The following ECT2L variants were observed in gnomAD, a reference collection of about 807,000 sequenced individuals.
ECT2L encodes epithelial cell-transforming sequence 2 oncogene-like.
A neutral mutation model predicts 122.8 loss-of-function variants in ECT2L; 126 were observed. That is an observed-to-expected ratio of 1.03 (90% CI 0.89 to 1.19). The LOEUF (loss-of-function observed/expected upper bound fraction) is 1.19. Ranked by LOEUF, ECT2L falls within the 50% of genes most tolerant of loss-of-function variation. ECT2L has a pLI of 0.00. For synonymous variants in ECT2L, 385 were observed against 381.8 expected (o/e 1.01, Z -0.10); for missense variants, 1,012 against 1,064.1 (o/e 0.95, Z 0.68).
intron 20 of ECT2L, among the ~76,000 whole-genome samples, chr6:138,890,690 A>C (rs373409773): frequency 6.6e-6 from 1 of 151,910 alleles, no homozygotes; most frequent in African/African-American, 2.4e-5. Context: ...CTTTCTTTAC[A>C]TAAGTTTGAT....
chr6:138,848,687 C>T (rs1026679416), intron 8 of ECT2L, among the ~76,000 whole-genome samples: 1 of 152,142 alleles, frequency 6.6e-6, no homozygotes, highest in Admixed American at 6.6e-5. Context: ...CCATGTGGGC[C>T]ATAGCTTCCA....
intron 20 of ECT2L, among the ~76,000 whole-genome samples, chr6:138,900,567 A>T (rs1413466137): frequency 6.6e-6 from 1 of 152,234 alleles, no homozygotes; most frequent in Non-Finnish European, 1.5e-5. Context: ...AAGGTGAAAC[A>T]AAACAAAGAC....
chr6:138,885,981 C>T (rs937473640), intron 18 of ECT2L, 151 bp downstream of exon 18: 6 of 728,736 alleles, frequency 8.2e-6, no homozygotes, highest in South Asian at 2.4e-5. Flanking sequence ...TAGTGTGTTC[C>T]GTGATTTCCA....
At chr6:138,847,093 C>A (rs1777248656) in intron 8 of ECT2L, among the ~76,000 whole-genome samples, 1 of 150,056 alleles carries the variant, frequency 6.7e-6, no homozygotes, top group Non-Finnish European at 1.5e-5. Context: ...CATGACGAAA[C>A]CCCATCTCTA....
intron 4 of ECT2L, among the ~76,000 whole-genome samples, chr6:138,826,450 G>A (rs1005334654): frequency 5.3e-5 from 8 of 152,100 alleles, no homozygotes; most frequent in Non-Finnish European, 1.0e-4. Flanking sequence ...CGCTTTGGGA[G>A]GCCGAGGCGG....
intron 16 of ECT2L, among the ~76,000 whole-genome samples, chr6:138,884,843 T>C (rs935783026): frequency 2.0e-5 from 3 of 152,036 alleles, no homozygotes; most frequent in South Asian, 2.1e-4. Context: ...TTAGAGATGA[T>C]ATCCATGTTA....
At chr6:138,802,057 C>T (rs1775563606) in intron 1 of ECT2L, among the ~76,000 whole-genome samples, 1 of 152,194 alleles carries the variant, frequency 6.6e-6, no homozygotes, top group African/African-American at 2.4e-5. Flanking sequence ...TCTTGCCTGC[C>T]CGCTCTTGCT....
intron 12 of ECT2L, 39 bp downstream of exon 12, chr6:138,865,217 A>T: frequency 6.4e-7 from 1 of 1,554,510 alleles, no homozygotes; most frequent in Non-Finnish European, 8.7e-7. Flanking sequence ...GTTAATTATG[A>T]AGTTGCTTTC....
rs544627230 is a variant in ECT2L, at chr6:138,854,193, C to T, written c.1198+39C>T. On this transcript the variant is annotated intron_variant, in intron 10 of 21. Coordinates refer to ENST00000541398, the MANE Select transcript of ECT2L (RefSeq NM_001077706.3). ...ACCTTATAGAGAGACAGTGGCCATG[C>T]CACTTCATGGGGATATGTTGTGAAT... 14 of 1,567,314 alleles carry T rather than the reference C, an allele frequency of 8.9e-6. No homozygotes were observed. In the South Asian group the frequency reaches 1.4e-4, roughly 16 times the overall value.
At chr6:138,811,939 T>G (rs954413772) in intron 1 of ECT2L, among the ~76,000 whole-genome samples, 1 of 152,130 alleles carries the variant, frequency 6.6e-6, no homozygotes, top group Non-Finnish European at 1.5e-5. Context: ...TCCACCCACC[T>G]CAGCCTCCCA....
chr6:138,888,157 T>C (rs1778890376), intron 19 of ECT2L, among the ~76,000 whole-genome samples: 1 of 152,092 alleles, frequency 6.6e-6, no homozygotes, highest in African/African-American at 2.4e-5. Flanking sequence ...GGAAAGATAA[T>C]TGAGGTTGAT....
intron 4 of ECT2L, among the ~76,000 whole-genome samples, chr6:138,816,576 C>T (rs756137307): frequency 3.3e-5 from 5 of 152,192 alleles, no homozygotes; most frequent in East Asian, 3.9e-4. Context: ...GCTCTGCCCC[C>T]GGGGTTCATG....
chr6:138,851,156 A>G (rs907888917), intron 9 of ECT2L, among the ~76,000 whole-genome samples: 2 of 151,424 alleles, frequency 1.3e-5, no homozygotes, highest in Non-Finnish European at 2.9e-5. Context: ...GCCAACACTT[A>G]TTTTCTGTGT....
intron 9 of ECT2L, among the ~76,000 whole-genome samples, chr6:138,853,513 G>A (rs575703381): frequency 1.4e-4 from 22 of 152,194 alleles, no homozygotes; most frequent in African/African-American, 4.1e-4. Flanking sequence ...CTGGGGATGC[G>A]GAGTTTCCAG....
At chr6:138,844,982 G>A (rs1777172110) in intron 7 of ECT2L, among the ~76,000 whole-genome samples, 1 of 151,824 alleles carries the variant, frequency 6.6e-6, no homozygotes, top group Non-Finnish European at 1.5e-5. Flanking sequence ...TATATTTTCT[G>A]TATTAAGTTA....
At chr6:138,893,876 T>C (rs893030430) in intron 20 of ECT2L, among the ~76,000 whole-genome samples, 3 of 152,200 alleles carry the variant, frequency 2.0e-5, no homozygotes, top group Non-Finnish European at 4.4e-5. Flanking sequence ...CAAGCATCCC[T>C]ACTCCATGCA....
intron 1 of ECT2L, among the ~76,000 whole-genome samples, chr6:138,811,825 A>G (rs751063221): frequency 6.6e-6 from 1 of 152,002 alleles, no homozygotes; most frequent in East Asian, 1.9e-4. Context: ...ATTAGCTGGG[A>G]TTACAGGTGT....
At chr6:138,873,897 T>TGTGTGTGTGTATGTGTGC (rs1778350830) in intron 13 of ECT2L, among the ~76,000 whole-genome samples, 1 of 149,250 alleles carries the variant, frequency 6.7e-6, no homozygotes, top group South Asian at 2.1e-4. Flanking sequence ...TGTGTGTGTG[T>TGTGTGTGTGTATGTGTGC]GTGTGTGTGT....
At chr6:138,867,166 G>C (rs1465146482) in intron 12 of ECT2L, among the ~76,000 whole-genome samples, 1 of 152,218 alleles carries the variant, frequency 6.6e-6, no homozygotes, top group Non-Finnish European at 1.5e-5. Context: ...GTAGGATCGA[G>C]AGTCTTACAT....
Sources: gnomAD v4.1 joint callset for allele counts (sites outside exome capture counted in the v4.1 genomes callset) on GRCh38, gnomAD v4.1.1 for gene constraint, MANE v1.5 for transcripts, NCBI Gene and HGNC (gene_info 2026-07-23, HGNC 2026-07-21) for gene names.